ENOX1: variants seen among roughly 807,000 people sequenced by gnomAD.
ENOX1 encodes the protein candidate growth-related and time keeping constitutive hydroquinone (NADH) oxidase.
ENOX1 carries 42 observed loss-of-function variants against 82.5 expected under a neutral mutation model. The observed-to-expected ratio is 0.51, with a 90% CI of 0.40 to 0.66. ENOX1 has a LOEUF of 0.66. ENOX1 is among the 30% of genes least tolerant of loss of function. ENOX1 has a pLI of 0.00. For synonymous variants in ENOX1, 271 were observed against 282.2 expected, an observed-to-expected ratio of 0.96 and a Z score of 0.40; for missense variants, 608 against 811.6, an observed-to-expected ratio of 0.75 and a Z score of 3.05.
intron 9 of ENOX1, among the ~76,000 whole-genome samples, chr13:43,344,084 A>C (rs549137045): frequency 4.6e-5 from 7 of 152,288 alleles, no homozygotes; most frequent in Admixed American, 4.6e-4. Flanking sequence ...CCCCAGATAA[A>C]AGATCCTGAG....
At chr13:43,297,810 T>G (rs561681420) in intron 12 of ENOX1, among the ~76,000 whole-genome samples, 5 of 150,710 alleles carry the variant, frequency 3.3e-5, no homozygotes, top group African/African-American at 4.8e-5. Context: ...CTAAAGTTAT[T>G]TATCCCCCAA....
At chr13:43,574,168 A>G (rs1380507054) in intron 2 of ENOX1, among the ~76,000 whole-genome samples, 2 of 152,208 alleles carry the variant, frequency 1.3e-5, no homozygotes, top group African/African-American at 4.8e-5. Flanking sequence ...AAATTACAAC[A>G]TGGACTGCAA....
At chr13:43,718,648 G>A (rs1417679357) in intron 1 of ENOX1, among the ~76,000 whole-genome samples, 1 of 117,202 alleles carries the variant, frequency 8.5e-6, no homozygotes, top group African/African-American at 3.4e-5. Flanking sequence ...CTGCACTCCA[G>A]CCTGGGAGAC....
chr13:43,786,099 C>T lies in ENOX1; in HGVS notation c.-285+553G>A, dbSNP rs920769827. On this transcript the variant is annotated intron_variant, in intron 1 of 16. Coordinates refer to ENST00000690772, the MANE Select transcript of ENOX1 (RefSeq NM_001347969.2). The surrounding 1 kb of genome is among the most constrained non-coding windows in gnomAD (Gnocchi z 6.0). Reference sequence around the variant, plus strand: ...CGCGAGAGGGGACAGTCACGAATAACAACAGTACCCAGCGCAGACTAGGCG... The same window carrying T: ...CGCGAGAGGGGACAGTCACGAATAATAACAGTACCCAGCGCAGACTAGGCG... Among the ~76,000 whole-genome samples the T allele has an allele frequency of 6.6e-6, 1 of 152,148 alleles. No homozygotes were observed. The highest frequency in any genetic ancestry group is 1.5e-5 in the Non-Finnish European group (1 of 68,026).
rs779280215 is a variant in ENOX1, at chr13:43,269,463, CACTT to C, written c.1554+3_1554+6del. On this transcript the variant is annotated splice_donor_5th_base_variant and intron_variant, in intron 13 of 16. Transcript: ENST00000690772. ...ATTCATAAATCAGAGCTGTTTCATT[CACTT>C]ACTTGTTCCTGCAGGACTTTTAGTA... 1 of 1,608,516 alleles carries C rather than the reference CACTT, an allele frequency of 6.2e-7. No individual in the cohort carries two copies. Among genetic ancestry groups the C allele is most frequent in the South Asian group, 1.1e-5 (1 of 90,932 alleles).
chr13:43,757,124 A>G (rs946948169), intron 1 of ENOX1, among the ~76,000 whole-genome samples: 1 of 152,156 alleles, frequency 6.6e-6, no homozygotes, highest in African/African-American at 2.4e-5. Flanking sequence ...AATGTGTGTT[A>G]TGAAAGATAA....
chr13:43,551,384 G>A (rs1188861672), intron 2 of ENOX1, among the ~76,000 whole-genome samples: 1 of 151,992 alleles, frequency 6.6e-6, no homozygotes, highest in Admixed American at 6.5e-5. Context: ...ATTTGATCAC[G>A]ATGTATTATC....
chr13:43,240,583 G>A (rs990121920), intron 14 of ENOX1, among the ~76,000 whole-genome samples: 29 of 152,264 alleles, frequency 1.9e-4, no homozygotes, highest in African/African-American at 7.0e-4. Context: ...AAAAAAATCT[G>A]GTGACCTGGT....
At chr13:43,540,912 A>G (rs762530016) in intron 2 of ENOX1, among the ~76,000 whole-genome samples, 1 of 152,166 alleles carries the variant, frequency 6.6e-6, no homozygotes, top group African/African-American at 2.4e-5. Flanking sequence ...TCAACAGCAC[A>G]TAAGAATCTC....
At chr13:43,406,492 CTTT>C (rs58818536) in intron 5 of ENOX1, among the ~76,000 whole-genome samples, 17 of 113,986 alleles carry the variant, frequency 1.5e-4, no homozygotes, top group Non-Finnish European at 1.4e-4. Flanking sequence ...AGTATGTTGT[CTTT>C]TTTTTTTTTT....
intron 2 of ENOX1, among the ~76,000 whole-genome samples, chr13:43,535,682 C>T (rs939435617): frequency 4.6e-5 from 7 of 152,048 alleles, no homozygotes; most frequent in African/African-American, 1.7e-4. Flanking sequence ...TACTTGCTCC[C>T]CATGGTATTT....
rs146693058 is a variant in ENOX1, at chr13:43,437,751, A to G, written c.-74-24763T>C. ...CCCATTCATTCAGTGAATATTTAGTAACTTCCACTGTGTGCAGCACCATTT... is the reference window on the plus strand; with the variant it reads ...CCCATTCATTCAGTGAATATTTAGTGACTTCCACTGTGTGCAGCACCATTT... On this transcript the variant is annotated intron_variant, in intron 3 of 16. Transcript: ENST00000690772. 9.1e-3 allele frequency among the ~76,000 whole-genome samples: 1,386 copies of G among 152,332 alleles called. 10 individuals carry two copies. The highest frequency in any genetic ancestry group is 0.015 in the Non-Finnish European group (1,039 of 68,038).
At chr13:43,729,363 G>A (rs759570161) in intron 1 of ENOX1, among the ~76,000 whole-genome samples, 103 of 152,052 alleles carry the variant, frequency 6.8e-4, no homozygotes, top group Non-Finnish European at 1.1e-3. Flanking sequence ...CTAGGTAAAC[G>A]TGTCTCTTGT....
At chr13:43,244,418 A>T (rs1233164303) in intron 14 of ENOX1, among the ~76,000 whole-genome samples, 1 of 152,204 alleles carries the variant, frequency 6.6e-6, no homozygotes, top group Admixed American at 6.5e-5. Context: ...TTTGACTACA[A>T]TTATATAAAA....
At chr13:43,729,922 T>G (rs938774983) in intron 1 of ENOX1, among the ~76,000 whole-genome samples, 2 of 152,194 alleles carry the variant, frequency 1.3e-5, no homozygotes, top group African/African-American at 4.8e-5. Context: ...TCTTCTTGAG[T>G]TACCACCCAC....
intron 1 of ENOX1, among the ~76,000 whole-genome samples, chr13:43,753,891 C>CT (rs1377277284): frequency 6.8e-6 from 1 of 146,976 alleles, no homozygotes; most frequent in African/African-American, 2.5e-5. Context: ...TTGGTTTCTG[C>CT]TTTTTTCCTT....
rs755082783 is a variant in ENOX1, at chr13:43,236,771, G to A, written c.1612-33C>T. The A allele has an allele frequency of 4.5e-6, 6 of 1,319,590 alleles. No individual in the cohort carries two copies. In the South Asian group the frequency reaches 8.5e-5, roughly 19 times the overall value. 81.7% of individuals were successfully genotyped at this position (1,319,590 alleles called of 1,614,324 possible). ...GTTAAAAGCCAAAAACCATATATGG[G>A]TTTATGTAGATTCTGTGCATGTCAA... On this transcript the variant is annotated intron_variant, in intron 14 of 16. Transcript: ENST00000690772.
At chr13:43,774,986 T>C (rs547584997) in intron 1 of ENOX1, among the ~76,000 whole-genome samples, 1 of 152,258 alleles carries the variant, frequency 6.6e-6, no homozygotes, top group South Asian at 2.1e-4. Context: ...TACCTGGGAC[T>C]ACAGGTGCCT....
intron 3 of ENOX1, among the ~76,000 whole-genome samples, chr13:43,478,372 T>G (rs1261161712): frequency 6.6e-6 from 1 of 152,162 alleles, no homozygotes; most frequent in Non-Finnish European, 1.5e-5. Flanking sequence ...ATATTTATTC[T>G]TCCATGTTTA....
Sources: allele counts gnomAD v4.1 joint callset (sites outside exome capture counted in the v4.1 genomes callset), GRCh38; gene constraint gnomAD v4.1.1; non-coding constraint Gnocchi (gnomAD v3.1); transcripts MANE v1.5; gene names NCBI Gene and HGNC (gene_info 2026-07-23, HGNC 2026-07-21).